ALCAM: variants seen among roughly 807,000 people sequenced by gnomAD.
ALCAM encodes the protein activated leukocyte cell adhesion molecule.
In ALCAM, 30 loss-of-function variants were observed where a neutral mutation model predicts 70.9. That is an observed-to-expected ratio of 0.42 (90% CI 0.32 to 0.57). The LOEUF is 0.57. Among genes scored for constraint, ALCAM ranks in the 20% least tolerant of loss-of-function variants. The probability of loss-of-function intolerance (pLI) is 0.11; values close to 1 mark genes in which losing one functional copy is unlikely to be tolerated. For missense variants in ALCAM, 591 were observed against 695.1 expected, an observed-to-expected ratio of 0.85 and a Z score of 1.68; for synonymous variants, 249 against 242.5, an observed-to-expected ratio of 1.03 and a Z score of -0.25.
intron 1 of ALCAM, among the ~76,000 whole-genome samples, chr3:105,383,859 A>G (rs1438550): frequency 0.96 from 146,235 of 151,768 alleles, 70,673 homozygotes; most frequent in East Asian, 1. Context: ...AATTGTAGAC[A>G]TACATTCAAA....
At chr3:105,444,621 GA>G (rs1377653333) in intron 1 of ALCAM, among the ~76,000 whole-genome samples, 2 of 152,254 alleles carry the variant, frequency 1.3e-5, no homozygotes, top group African/African-American at 4.8e-5. Flanking sequence ...TTTCAAAGAT[GA>G]AAAATATAAC....
intron 1 of ALCAM, chr3:105,440,841 A>G (rs1937153941): frequency 6.6e-6 from 1 of 151,922 alleles, no homozygotes; most frequent in Non-Finnish European, 1.5e-5. Flanking sequence ...CCCAGGATAT[A>G]TTTTTCAGGC....
intron 1 of ALCAM, among the ~76,000 whole-genome samples, chr3:105,388,325 T>G (rs889299120): frequency 8.6e-5 from 13 of 151,596 alleles, no homozygotes; most frequent in African/African-American, 2.4e-4. Flanking sequence ...TCCATGATTC[T>G]TCATCTCCAC....
At chr3:105,497,925 G>C (rs1938801548) in intron 1 of ALCAM, among the ~76,000 whole-genome samples, 1 of 151,898 alleles carries the variant, frequency 6.6e-6, no homozygotes, top group Non-Finnish European at 1.5e-5. Context: ...CAGCTACTCG[G>C]GAGGCTGAGG....
Position 105,552,669 on chromosome 3 carries a change from G to C in ALCAM, c.1664+84G>C, listed in dbSNP as rs556726667. 8.0e-4 allele frequency: 1,276 copies of C among 1,597,054 alleles called. 3 individuals are homozygous for C. Among genetic ancestry groups the C allele is most frequent in the Middle Eastern group, 7.7e-3 (46 of 5,950 alleles). Reference sequence around the variant, plus strand: ...TGTGCTAATTTTGCTCACTCCAGTCGTGCATATAATTTATACAATAAGGAA... The same window carrying C: ...TGTGCTAATTTTGCTCACTCCAGTCCTGCATATAATTTATACAATAAGGAA... On this transcript the variant is annotated intron_variant, in intron 14 of 15. Coordinates refer to ENST00000306107, the MANE Select transcript of ALCAM (RefSeq NM_001627.4).
At chr3:105,450,267 T>C (rs1346805071) in intron 1 of ALCAM, among the ~76,000 whole-genome samples, 1 of 152,170 alleles carries the variant, frequency 6.6e-6, no homozygotes, top group African/African-American at 2.4e-5. Flanking sequence ...TACTTCTCTT[T>C]TCTTCCTTTT....
At chr3:105,391,663 G>A (rs969224547) in intron 1 of ALCAM, among the ~76,000 whole-genome samples, 1 of 151,970 alleles carries the variant, frequency 6.6e-6, no homozygotes, top group Admixed American at 6.6e-5. Flanking sequence ...CTTATATTGT[G>A]TCGGTTTTCA....
At chr3:105,455,386 G>A (rs1199697815) in intron 1 of ALCAM, among the ~76,000 whole-genome samples, 2 of 150,218 alleles carry the variant, frequency 1.3e-5, no homozygotes, top group Non-Finnish European at 3.0e-5. Context: ...AGCTTGCAGT[G>A]AGCCGAGAAT....
Position 105,552,160 on chromosome 3 carries a change from C to G in ALCAM, c.1524C>G (p.His508Gln), listed in dbSNP as rs75636202. The part of the protein sequence containing the change: ...LNVSAISIPE[H>Q]DEADEISDEN... Reference sequence around the variant, plus strand: ...TCATTTCAGTAAGTATTCCAGAACACGATGAGGCAGACGAGATAAGTGGTA... The same window carrying G: ...TCATTTCAGTAAGTATTCCAGAACAGGATGAGGCAGACGAGATAAGTGGTA... Residue 508 changes from histidine (H) to glutamine (Q), a missense_variant, in exon 13 of 16, where the codon CAC becomes CAG. Coordinates refer to ENST00000306107, the MANE Select transcript of ALCAM (RefSeq NM_001627.4). The G allele has an allele frequency of 2.5e-6, 4 of 1,601,158 alleles. No homozygotes were observed. Among genetic ancestry groups the G allele is most frequent in the Non-Finnish European group, 3.4e-6 (4 of 1,175,098 alleles).
chr3:105,415,910 T>G (rs1326753079), intron 1 of ALCAM, among the ~76,000 whole-genome samples: 1 of 152,058 alleles, frequency 6.6e-6, no homozygotes, highest in East Asian at 1.9e-4. Flanking sequence ...AAGTTTATTA[T>G]TTTGTTTTTG....
chr3:105,456,271 T>A (rs1937534393), intron 1 of ALCAM, among the ~76,000 whole-genome samples: 1 of 152,212 alleles, frequency 6.6e-6, no homozygotes, highest in African/African-American at 2.4e-5. Context: ...TCTTCTACCC[T>A]ACCACCAGCT....
chr3:105,541,831 C>T (rs182611840), intron 8 of ALCAM, 66 bp downstream of exon 8: 22 of 1,554,112 alleles, frequency 1.4e-5, no homozygotes, highest in Non-Finnish European at 1.8e-5. Context: ...ATGTAGCTAT[C>T]TTTTCAAATA....
intron 1 of ALCAM, among the ~76,000 whole-genome samples, chr3:105,450,076 T>G (rs1937391231): frequency 6.6e-6 from 1 of 152,164 alleles, no homozygotes; most frequent in African/African-American, 2.4e-5. Flanking sequence ...TGGGCACTGT[T>G]TCTTCCATAA....
intron 14 of ALCAM, among the ~76,000 whole-genome samples, chr3:105,558,592 C>A (rs763720583): frequency 6.6e-6 from 1 of 152,070 alleles, no homozygotes; most frequent in African/African-American, 2.4e-5. Flanking sequence ...GATTTCAAAA[C>A]AAGTGTAGAA....
chr3:105,402,909 A>G (rs938552475), intron 1 of ALCAM, among the ~76,000 whole-genome samples: 2 of 147,026 alleles, frequency 1.4e-5, no homozygotes, highest in African/African-American at 2.5e-5. Flanking sequence ...GCAAGTTTGC[A>G]TCTTCTCTAT....
At chr3:105,395,128 CA>C (rs112913841) in intron 1 of ALCAM, among the ~76,000 whole-genome samples, 3 of 151,896 alleles carry the variant, frequency 2.0e-5, no homozygotes, top group African/African-American at 7.3e-5. Flanking sequence ...GACTTTTCAT[CA>C]AATGACCGCC....
chr3:105,430,750 T>C (rs1238444066), intron 1 of ALCAM, among the ~76,000 whole-genome samples: 1 of 152,120 alleles, frequency 6.6e-6, no homozygotes, highest in Non-Finnish European at 1.5e-5. Context: ...TGAATATTTA[T>C]CCTCCACCCT....
intron 14 of ALCAM, among the ~76,000 whole-genome samples, chr3:105,565,562 A>G (rs1341430347): frequency 6.6e-6 from 1 of 152,128 alleles, no homozygotes; most frequent in African/African-American, 2.4e-5. Flanking sequence ...CTATTTTACA[A>G]TCCTTGCCTA....
intron 1 of ALCAM, among the ~76,000 whole-genome samples, chr3:105,382,893 A>G (rs1559771923): frequency 6.6e-6 from 1 of 151,856 alleles, no homozygotes; most frequent in Non-Finnish European, 1.5e-5. Flanking sequence ...AATACTTCGG[A>G]CACTTCCCAA....
Sources: allele counts gnomAD v4.1 joint callset (sites outside exome capture counted in the v4.1 genomes callset), GRCh38; gene constraint gnomAD v4.1.1; transcripts MANE v1.5; gene names NCBI Gene and HGNC (gene_info 2026-07-23, HGNC 2026-07-21).